The following CACNA1C variants were observed in gnomAD, a reference collection of about 807,000 sequenced individuals.
CACNA1C encodes calcium voltage-gated channel subunit alpha1 C, also known as voltage-dependent L-type calcium channel subunit alpha-1C.
CACNA1C carries 30 observed loss-of-function variants against 229.0 expected under a neutral mutation model. That is an observed-to-expected ratio of 0.13 (90% CI 0.10 to 0.18). CACNA1C has a LOEUF of 0.18. Ranked by LOEUF, CACNA1C falls within the 10% of genes least tolerant of loss-of-function variation. CACNA1C has a pLI of 1.00. For missense variants in CACNA1C, 1,658 were observed against 2,845.0 expected, an observed-to-expected ratio of 0.58 and a Z score of 9.49; for synonymous variants, 1,114 against 1,132.5, an observed-to-expected ratio of 0.98 and a Z score of 0.33.
intron 18 of CACNA1C, among the ~76,000 whole-genome samples, chr12:2,592,385 T>C (rs1280490122): frequency 6.6e-6 from 1 of 152,212 alleles, no homozygotes; most frequent in Non-Finnish European, 1.5e-5. Context: ...CTCAATAAAA[T>C]GCCCACGGCT....
At chr12:2,247,312 C>T (rs112674718) in intron 3 of CACNA1C, among the ~76,000 whole-genome samples, 1,821 of 152,326 alleles carry the variant, frequency 0.012, 32 homozygotes, top group African/African-American at 0.041. Context: ...ACCCTCTCTG[C>T]CCTGTCAATG....
At chr12:2,163,319 G>A (rs1028916984) in intron 3 of CACNA1C, among the ~76,000 whole-genome samples, 6 of 151,956 alleles carry the variant, frequency 3.9e-5, no homozygotes, top group Non-Finnish European at 5.9e-5. Context: ...GGCAGTATTC[G>A]TATTCTCACT....
chr12:2,089,109 G>C (rs1189276278), intron 1 of CACNA1C, among the ~76,000 whole-genome samples: 1 of 152,152 alleles, frequency 6.6e-6, no homozygotes, highest in East Asian at 1.9e-4. Context: ...CTGTGCTCTT[G>C]AGGGATTCAT....
At chr12:2,441,502 A>T (rs187160819) in intron 3 of CACNA1C, among the ~76,000 whole-genome samples, 34 of 152,340 alleles carry the variant, frequency 2.2e-4, no homozygotes, top group African/African-American at 8.2e-4. Flanking sequence ...AACAACAAGG[A>T]GAGGAAGTGA....
At position 2,181,031 on chromosome 12, in the gene CACNA1C, A is replaced by G. The variant is rs1282906493; in HGVS notation, c.477+60601A>G. 6.6e-6 allele frequency among the ~76,000 whole-genome samples: 1 copy of G among 152,156 alleles called. No homozygotes were observed. The highest frequency in any genetic ancestry group is 6.5e-5 in the Admixed American group (1 of 15,270). On this transcript the variant is annotated intron_variant, in intron 3 of 46. Coordinates refer to ENST00000399655, the MANE Select transcript of CACNA1C (RefSeq NM_000719.7). This position sits in a 1 kb window ranked among gnomAD's most constrained non-coding sequence, Gnocchi z 4.0. ...ATAACCCTCAAATCTGCACTCCCCT[A>G]TTACGTGTTTGGGCAACTGAGTTTT...
chr12:2,561,834 A>G (rs1260519232), intron 11 of CACNA1C, among the ~76,000 whole-genome samples: 1 of 152,224 alleles, frequency 6.6e-6, no homozygotes, highest in Admixed American at 6.5e-5. Flanking sequence ...AATGACTTCC[A>G]GTTAGTGTGA....
At chr12:2,675,179 T>C (rs1273593408) in intron 39 of CACNA1C, among the ~76,000 whole-genome samples, 1 of 152,196 alleles carries the variant, frequency 6.6e-6, no homozygotes, top group Admixed American at 6.5e-5. Flanking sequence ...AAATTATAGG[T>C]AATATAACTT....
chr12:2,590,062 C>G (rs757776686), intron 18 of CACNA1C, among the ~76,000 whole-genome samples: 3 of 152,220 alleles, frequency 2.0e-5, no homozygotes, highest in Non-Finnish European at 2.9e-5. Flanking sequence ...GTAGCAGACT[C>G]TTGCGCCCTG....
intron 3 of CACNA1C, among the ~76,000 whole-genome samples, chr12:2,279,276 A>G (rs1471543340): frequency 6.6e-6 from 1 of 152,044 alleles, no homozygotes; most frequent in Non-Finnish European, 1.5e-5. Context: ...CCATTGATCC[A>G]TTTGTCTATT....
chr12:2,210,621 G>C (rs1349180939), intron 3 of CACNA1C, among the ~76,000 whole-genome samples: 1 of 152,210 alleles, frequency 6.6e-6, no homozygotes, highest in African/African-American at 2.4e-5. Flanking sequence ...GCATGATCTG[G>C]AAGTTGAGGC....
rs943177823 is a variant in CACNA1C, at chr12:2,465,064, C to T, written c.757+7358C>T. On this transcript the variant is annotated intron_variant, in intron 5 of 46. Transcript: ENST00000399655. ...TCCTATGTAAAATGGGAATTGTAAT[C>T]GAACGTATTACATATGCTGTTGGAA... Among the ~76,000 whole-genome samples the T allele has an allele frequency of 9.9e-5, 15 of 152,118 alleles. 1 individual carries two copies. Among genetic ancestry groups the T allele is most frequent in the African/African-American group, 9.7e-5 (4 of 41,428 alleles).
At chr12:2,261,481 A>C (rs186154414) in intron 3 of CACNA1C, among the ~76,000 whole-genome samples, 288 of 152,316 alleles carry the variant, frequency 1.9e-3, no homozygotes, top group African/African-American at 6.1e-3. Flanking sequence ...AGAGCATTAC[A>C]GTGAAAATGT....
chr12:2,470,828 C>A (rs2099587698), intron 5 of CACNA1C, among the ~76,000 whole-genome samples: 1 of 151,988 alleles, frequency 6.6e-6, no homozygotes, highest in Non-Finnish European at 1.5e-5. Context: ...GAGAAGGGGA[C>A]CTTCTATACT....
intron 3 of CACNA1C, among the ~76,000 whole-genome samples, chr12:2,373,738 C>T (rs2097935826): frequency 6.6e-6 from 1 of 152,182 alleles, no homozygotes; most frequent in Non-Finnish European, 1.5e-5. Context: ...TTAACAAACC[C>T]TCTTCAAGCC....
chr12:2,071,055 C>T (rs1565499995), intron 1 of CACNA1C, among the ~76,000 whole-genome samples: 1 of 116,516 alleles, frequency 8.6e-6, no homozygotes, highest in Non-Finnish European at 1.8e-5. Flanking sequence ...CCTTCCCTTC[C>T]TCCCTCCCTC....
At chr12:2,480,100 T>A (rs1405124390) in intron 5 of CACNA1C, among the ~76,000 whole-genome samples, 1 of 152,192 alleles carries the variant, frequency 6.6e-6, no homozygotes, top group Non-Finnish European at 1.5e-5. Flanking sequence ...GTAAAAGTGA[T>A]ATCTGCTTCC....
chr12:2,100,335 A>G (rs1402049919), intron 1 of CACNA1C, among the ~76,000 whole-genome samples: 3 of 151,768 alleles, frequency 2.0e-5, no homozygotes, highest in Non-Finnish European at 4.4e-5. Flanking sequence ...AATCCCAGCT[A>G]CTTGGGAGGC....
chr12:2,576,639 C>T (rs1353516381), intron 13 of CACNA1C, among the ~76,000 whole-genome samples: 1 of 152,106 alleles, frequency 6.6e-6, no homozygotes, highest in Admixed American at 6.5e-5. Context: ...GATGGTGATT[C>T]TAGGATAGGA....
In CACNA1C at chr12:2,054,230, C is replaced by T. The variant is rs1420967355; in HGVS notation, c.49+619C>T. 6.6e-6 allele frequency among the ~76,000 whole-genome samples: 1 copy of T among 152,090 alleles called. No individual in the cohort carries two copies. Among genetic ancestry groups the T allele is most frequent in the Admixed American group, 6.5e-5 (1 of 15,286 alleles). ...CTCTGGTTCCCCCTCTGTAGGTCCC[C>T]TTCTTCCTCTCTCCCTCCCTCCTCC... On this transcript the variant is annotated intron_variant, in intron 1 of 46. Transcript: ENST00000399655. The surrounding 1 kb of genome is among the most constrained non-coding windows in gnomAD (Gnocchi z 5.5).
Sources: gnomAD v4.1 joint callset for allele counts (sites outside exome capture counted in the v4.1 genomes callset) on GRCh38, gnomAD v4.1.1 for gene constraint, Gnocchi (gnomAD v3.1) non-coding constraint, MANE v1.5 for transcripts, NCBI Gene and HGNC (gene_info 2026-07-23, HGNC 2026-07-21) for gene names.